Variants in XIRP2 observed in about 807,000 individuals in gnomAD.
The protein encoded by XIRP2 is xin actin binding repeat containing 2, also known as xin actin-binding repeat-containing protein 2.
In XIRP2, 236 loss-of-function variants were observed where a neutral mutation model predicts 277.0. The observed-to-expected ratio is 0.85, with a 90% CI of 0.77 to 0.95. The LOEUF (loss-of-function observed/expected upper bound fraction) is 0.95, where lower values mean the gene tolerates loss of function less well. Among genes scored for constraint, XIRP2 ranks in the 40% least tolerant of loss-of-function variants. XIRP2 has a pLI of 0.00. For missense variants in XIRP2, 4,640 were observed against 4,157.5 expected, an observed-to-expected ratio of 1.12 and a Z score of -3.19; for synonymous variants, 1,490 against 1,416.5, an observed-to-expected ratio of 1.05 and a Z score of -1.17.
At chr2:167,034,021 T>C (rs1688438914) in intron 2 of XIRP2, among the ~76,000 whole-genome samples, 1 of 152,108 alleles carries the variant, frequency 6.6e-6, no homozygotes, top group Non-Finnish European at 1.5e-5. Context: ...TACTTATATC[T>C]TGAGTTGAAA....
chr2:166,906,860 G>A (rs1290199915), intron 2 of XIRP2, among the ~76,000 whole-genome samples: 2 of 152,088 alleles, frequency 1.3e-5, no homozygotes, highest in African/African-American at 4.8e-5. Context: ...CCATGAGCAA[G>A]GGGTTGCTAT....
At chr2:166,892,756 G>A (rs17614234) in intron 1 of XIRP2, among the ~76,000 whole-genome samples, 31,475 of 150,230 alleles carry the variant, frequency 0.21, 3,950 homozygotes, top group Admixed American at 0.28. Context: ...CAATTTTGGA[G>A]CAATGAAAAA....
chr2:167,102,215 A>G (rs1162883103), intron 2 of XIRP2, among the ~76,000 whole-genome samples: 1 of 152,210 alleles, frequency 6.6e-6, no homozygotes, highest in Non-Finnish European at 1.5e-5. Flanking sequence ...GATTGTAGAA[A>G]CAGCATTGTT....
chr2:167,196,608 G>A (rs1203987555), intron 3 of XIRP2, among the ~76,000 whole-genome samples: 4 of 152,114 alleles, frequency 2.6e-5, no homozygotes, highest in African/African-American at 4.8e-5. Flanking sequence ...GCAACCTAGT[G>A]TCAGGATTAG....
chr2:167,086,488 C>T (rs1689947990), intron 2 of XIRP2, among the ~76,000 whole-genome samples: 1 of 151,494 alleles, frequency 6.6e-6, no homozygotes, highest in African/African-American at 2.4e-5. Flanking sequence ...GAACGTTGGC[C>T]TGCCTTGCTA....
At chr2:167,201,535 C>A (rs898618742) in intron 3 of XIRP2, among the ~76,000 whole-genome samples, 6 of 152,240 alleles carry the variant, frequency 3.9e-5, no homozygotes, top group Non-Finnish European at 5.9e-5. Context: ...CCCTTCCTTG[C>A]AGTTAAGTTT....
intron 2 of XIRP2, among the ~76,000 whole-genome samples, chr2:167,026,616 T>G (rs961614674): frequency 3.9e-5 from 6 of 152,182 alleles, no homozygotes; most frequent in Admixed American, 1.3e-4. Flanking sequence ...CCATGTTTAC[T>G]GCTTCCTTCA....
At chr2:166,899,301 C>A (rs1432005034) in intron 1 of XIRP2, among the ~76,000 whole-genome samples, 3 of 152,062 alleles carry the variant, frequency 2.0e-5, no homozygotes. Flanking sequence ...CTTTTCCCTA[C>A]CTAGTTTATA....
chr2:167,129,363 G>A (rs1339959686), intron 2 of XIRP2, among the ~76,000 whole-genome samples: 2 of 150,232 alleles, frequency 1.3e-5, no homozygotes, highest in Non-Finnish European at 3.0e-5. Context: ...CTTCACTCAC[G>A]GATCCACACT....
intron 5 of XIRP2, among the ~76,000 whole-genome samples, chr2:167,230,177 G>C (rs1473939470): frequency 2.0e-5 from 3 of 152,080 alleles, no homozygotes; most frequent in South Asian, 2.1e-4. Flanking sequence ...TTTTTCCTCA[G>C]AGTACAAATT....
At chr2:167,103,887 A>G (rs1468735896) in intron 2 of XIRP2, among the ~76,000 whole-genome samples, 1 of 152,098 alleles carries the variant, frequency 6.6e-6, no homozygotes, top group Non-Finnish European at 1.5e-5. Context: ...ACTAGACTCT[A>G]TTAAGTTACT....
At chr2:167,166,540 T>C (rs1692525207) in intron 3 of XIRP2, among the ~76,000 whole-genome samples, 1 of 152,178 alleles carries the variant, frequency 6.6e-6, no homozygotes, top group South Asian at 2.1e-4. Flanking sequence ...CTGGATAATT[T>C]ATAAAGAAAA....
intron 5 of XIRP2, among the ~76,000 whole-genome samples, chr2:167,219,138 G>A (rs576754602): frequency 5.3e-5 from 8 of 151,958 alleles, no homozygotes; most frequent in Non-Finnish European, 1.0e-4. Context: ...GGGATGAGGC[G>A]GCATATCAGG....
chr2:167,170,469 A>G (rs1007894974), intron 3 of XIRP2, among the ~76,000 whole-genome samples: 1 of 152,160 alleles, frequency 6.6e-6, no homozygotes, highest in Admixed American at 6.5e-5. Flanking sequence ...TTTAAATTAA[A>G]ATTACAATTC....
In XIRP2 at chr2:167,251,915, C is replaced by T; in HGVS notation, c.10523C>T (p.Thr3508Ile). Residue 3508 changes from threonine (T) to isoleucine (I), a missense_variant, in exon 9 of 11, where the codon ACC becomes ATC. Transcript: ENST00000409195. ...TADASATEMR[T>I]TFQEESAFIS... ...GATGCTTCTGCAACTGAGATGAGAA[C>T]CACCTTCCAAGAGGAATCTGCATTT... 6.3e-7 allele frequency: 1 copy of T among 1,575,104 alleles called. No individual in the cohort carries two copies. Among genetic ancestry groups the T allele is most frequent in the Non-Finnish European group, 8.6e-7 (1 of 1,165,590 alleles).
intron 2 of XIRP2, among the ~76,000 whole-genome samples, chr2:167,019,318 C>T (rs530825047): frequency 6.6e-6 from 1 of 152,042 alleles, no homozygotes; most frequent in African/African-American, 2.4e-5. Context: ...ACAAGATGTA[C>T]ACTCTGATTA....
chr2:167,076,011 A>C (rs952742838), intron 2 of XIRP2, among the ~76,000 whole-genome samples: 4 of 152,108 alleles, frequency 2.6e-5, no homozygotes, highest in African/African-American at 9.7e-5. Flanking sequence ...ATGAGCACTC[A>C]GTTTGCAGAA....
intron 2 of XIRP2, among the ~76,000 whole-genome samples, chr2:166,951,880 G>C (rs1209703796): frequency 6.6e-6 from 1 of 151,978 alleles, no homozygotes; most frequent in Non-Finnish European, 1.5e-5. Context: ...CCTATTGCCT[G>C]CTACTTGACT....
At chr2:167,209,172 A>G (rs1021064705) in intron 3 of XIRP2, among the ~76,000 whole-genome samples, 1 of 152,200 alleles carries the variant, frequency 6.6e-6, no homozygotes, top group African/African-American at 2.4e-5. Context: ...TATACTTTGT[A>G]TCTTTGTGAT....
Sources: gnomAD v4.1 joint callset for allele counts (sites outside exome capture counted in the v4.1 genomes callset) on GRCh38, gnomAD v4.1.1 for gene constraint, MANE v1.5 for transcripts, NCBI Gene and HGNC (gene_info 2026-07-23, HGNC 2026-07-21) for gene names.